The following INPP4B variants were observed in gnomAD, a reference collection of about 807,000 sequenced individuals.
The protein encoded by INPP4B is inositol polyphosphate 4-phosphatase type II.
A neutral mutation model predicts 122.5 loss-of-function variants in INPP4B; 55 were observed. The ratio of observed to expected loss-of-function variants is 0.45; its 90% confidence interval spans 0.36 to 0.56. INPP4B has a LOEUF of 0.56. Ranked by LOEUF, INPP4B falls within the 20% of genes least tolerant of loss-of-function variation. The pLI, the probability that INPP4B is intolerant of heterozygous loss-of-function variation, is 0.00. For synonymous variants in INPP4B, 403 were observed against 388.7 expected, an observed-to-expected ratio of 1.04 and a Z score of -0.43; for missense variants, 1,000 against 1,097.7, an observed-to-expected ratio of 0.91 and a Z score of 1.26.
chr4:142,532,576 C>T (rs1460373181), intron 2 of INPP4B, among the ~76,000 whole-genome samples: 2 of 152,134 alleles, frequency 1.3e-5, no homozygotes, highest in Non-Finnish European at 2.9e-5. Context: ...TCCCTCACTA[C>T]TGGCCTTCAA....
At chr4:142,207,029 C>T (rs1842867361) in intron 14 of INPP4B, among the ~76,000 whole-genome samples, 1 of 152,072 alleles carries the variant, frequency 6.6e-6, no homozygotes, top group Non-Finnish European at 1.5e-5. Context: ...TTAGATTCCT[C>T]ATATAAGTAA....
At chr4:142,228,809 T>A (rs1269267335) in intron 12 of INPP4B, among the ~76,000 whole-genome samples, 1 of 151,756 alleles carries the variant, frequency 6.6e-6, no homozygotes, top group African/African-American at 2.4e-5. Flanking sequence ...GTAGCTCTTG[T>A]AAGTCAAAAG....
intron 8 of INPP4B, among the ~76,000 whole-genome samples, chr4:142,312,762 C>T (rs1481978255): frequency 6.6e-6 from 1 of 152,076 alleles, no homozygotes; most frequent in African/African-American, 2.4e-5. Context: ...AGCCAGGTCC[C>T]CCATGGTAGG....
chr4:142,535,550 T>A (rs1828087624), intron 2 of INPP4B, among the ~76,000 whole-genome samples: 1 of 152,158 alleles, frequency 6.6e-6, no homozygotes, highest in Non-Finnish European at 1.5e-5. Flanking sequence ...GCAAGAACAC[T>A]AATTGAGCTA....
intron 2 of INPP4B, among the ~76,000 whole-genome samples, chr4:142,499,069 C>A (rs543005650): frequency 8.3e-4 from 126 of 152,228 alleles, no homozygotes; most frequent in African/African-American, 2.9e-3. Flanking sequence ...TTTGGAAAGA[C>A]TTTTCCCTGT....
At chr4:142,123,490 T>A in intron 19 of INPP4B, 75 bp from the exon 20 acceptor site, 1 of 1,425,482 alleles carries the variant, frequency 7.0e-7, no homozygotes, top group Non-Finnish European at 9.6e-7. Flanking sequence ...TTTTAAGACT[T>A]CTGAGGCATC....
At chr4:142,112,193 T>G (rs184533585) in intron 22 of INPP4B, among the ~76,000 whole-genome samples, 6 of 152,210 alleles carry the variant, frequency 3.9e-5, no homozygotes, top group Non-Finnish European at 7.3e-5. Flanking sequence ...ATTTAAAAAC[T>G]TGATGCTATT....
intron 1 of INPP4B, among the ~76,000 whole-genome samples, chr4:142,760,194 T>C (rs1265530820): frequency 6.6e-6 from 1 of 152,168 alleles, no homozygotes; most frequent in Non-Finnish European, 1.5e-5. Flanking sequence ...GATAGTATCA[T>C]GGACTTGAGA....
chr4:142,624,911 G>C (rs1413755124), intron 2 of INPP4B, among the ~76,000 whole-genome samples: 1 of 133,812 alleles, frequency 7.5e-6, no homozygotes, highest in East Asian at 2.3e-4. Flanking sequence ...TGCAGAAAAG[G>C]CCTTTGACAA....
chr4:142,136,804 G>A (rs115550863), intron 18 of INPP4B, among the ~76,000 whole-genome samples: 369 of 152,238 alleles, frequency 2.4e-3, no homozygotes, highest in African/African-American at 8.3e-3. Context: ...GACTATCTGA[G>A]AAACAGTTCA....
At chr4:142,678,183 C>A (rs1046170431) in intron 2 of INPP4B, among the ~76,000 whole-genome samples, 1 of 151,776 alleles carries the variant, frequency 6.6e-6, no homozygotes, top group East Asian at 1.9e-4. Flanking sequence ...CCACATTAAA[C>A]CCACAGGCCT....
At chr4:142,192,229 G>A (rs1836187291) in intron 15 of INPP4B, among the ~76,000 whole-genome samples, 1 of 149,286 alleles carries the variant, frequency 6.7e-6, no homozygotes, top group Admixed American at 6.7e-5. Flanking sequence ...TATTACTTCG[G>A]TGGCAAAATA....
intron 7 of INPP4B, among the ~76,000 whole-genome samples, chr4:142,321,825 T>G (rs1770179876): frequency 8.0e-6 from 1 of 125,252 alleles, no homozygotes; most frequent in South Asian, 2.3e-4. Context: ...TACCATGCTG[T>G]TTTGGTGGTC....
At chr4:142,694,141 C>T (rs571165972) in intron 2 of INPP4B, among the ~76,000 whole-genome samples, 7 of 151,980 alleles carry the variant, frequency 4.6e-5, no homozygotes, top group East Asian at 1.9e-4. Context: ...GGGAGGCCGA[C>T]GCAGGCAGAT....
intron 3 of INPP4B, among the ~76,000 whole-genome samples, chr4:142,458,829 T>A (rs1185893273): frequency 2.6e-5 from 4 of 152,194 alleles, no homozygotes; most frequent in Non-Finnish European, 5.9e-5. Context: ...AGAGCAGTTC[T>A]CAGCATTCTG....
chr4:142,557,010 C>A (rs867885587), intron 2 of INPP4B, among the ~76,000 whole-genome samples: 1 of 152,116 alleles, frequency 6.6e-6, no homozygotes, highest in Non-Finnish European at 1.5e-5. Flanking sequence ...TCGTGACCAC[C>A]GGAGGACCAG....
chr4:142,718,986 A>T (rs1287749275), intron 2 of INPP4B, among the ~76,000 whole-genome samples: 1 of 152,230 alleles, frequency 6.6e-6, no homozygotes, highest in Non-Finnish European at 1.5e-5. Flanking sequence ...CATGATAAAG[A>T]TGTAACATTT....
chr4:142,440,428 A>C (rs1359184224), intron 3 of INPP4B, among the ~76,000 whole-genome samples: 1 of 152,232 alleles, frequency 6.6e-6, no homozygotes, highest in African/African-American at 2.4e-5. Flanking sequence ...GCAGGAATGA[A>C]AGATGTGGGA....
At chr4:142,665,582 A>G (rs1441675298) in intron 2 of INPP4B, among the ~76,000 whole-genome samples, 1 of 152,094 alleles carries the variant, frequency 6.6e-6, no homozygotes, top group African/African-American at 2.4e-5. Context: ...AGATTTACCT[A>G]CAAGGTCATT....
Sources: gnomAD v4.1 joint callset for allele counts (sites outside exome capture counted in the v4.1 genomes callset) on GRCh38, gnomAD v4.1.1 for gene constraint, MANE v1.5 for transcripts, NCBI Gene and HGNC (gene_info 2026-07-23, HGNC 2026-07-21) for gene names.